The following PLPPR1 variants were observed in gnomAD, a reference collection of about 807,000 sequenced individuals.
The protein encoded by PLPPR1 is phospholipid phosphatase related 1, also known as phospholipid phosphatase-related protein type 1.
In PLPPR1, 10 loss-of-function variants were observed where a neutral mutation model predicts 33.1. That is an observed-to-expected ratio of 0.30 (90% CI 0.19 to 0.51). PLPPR1 has a LOEUF of 0.51. Ranked by LOEUF, PLPPR1 falls within the 20% of genes least tolerant of loss-of-function variation. The pLI is 0.97. For synonymous variants in PLPPR1, 151 were observed against 151.0 expected (o/e 1.00, Z 0.00); for missense variants, 304 against 408.1 (o/e 0.74, Z 2.20).
intron 1 of PLPPR1, among the ~76,000 whole-genome samples, chr9:101,147,242 G>A (rs1041839610): frequency 3.3e-5 from 5 of 152,120 alleles, no homozygotes; most frequent in Non-Finnish European, 7.3e-5. Flanking sequence ...TTTATAATTT[G>A]TAAGGAATGT....
At chr9:101,067,176 T>C (rs1830428690) in intron 1 of PLPPR1, among the ~76,000 whole-genome samples, 2 of 152,148 alleles carry the variant, frequency 1.3e-5, no homozygotes, top group African/African-American at 4.8e-5. Context: ...AGTCAACTAT[T>C]TTATAGGTTC....
chr9:101,075,263 C>A (rs968096726), intron 1 of PLPPR1, among the ~76,000 whole-genome samples: 3 of 152,132 alleles, frequency 2.0e-5, no homozygotes, highest in Admixed American at 6.6e-5. Flanking sequence ...AGCCTCACAT[C>A]AAAATAAATT....
chr9:101,318,283 A>G (rs931012421), intron 7 of PLPPR1, among the ~76,000 whole-genome samples: 26 of 142,048 alleles, frequency 1.8e-4, no homozygotes, highest in African/African-American at 8.1e-4. Flanking sequence ...ATGAAGGGGA[A>G]AAAAATCTAC....
At chr9:101,191,731 A>C (rs900754373) in intron 2 of PLPPR1, among the ~76,000 whole-genome samples, 3 of 152,170 alleles carry the variant, frequency 2.0e-5, no homozygotes, top group African/African-American at 7.2e-5. Context: ...GATTCCTCTC[A>C]AGAAAATTTT....
At chr9:101,110,375 A>G (rs1280563936) in intron 1 of PLPPR1, among the ~76,000 whole-genome samples, 1 of 152,236 alleles carries the variant, frequency 6.6e-6, no homozygotes, top group East Asian at 1.9e-4. Flanking sequence ...GTAAATAAAC[A>G]CAACTATTTA....
chr9:101,208,654 T>C (rs1826631811), intron 2 of PLPPR1, among the ~76,000 whole-genome samples: 1 of 152,204 alleles, frequency 6.6e-6, no homozygotes, highest in South Asian at 2.1e-4. Flanking sequence ...TAGAATAAAT[T>C]AATACATTTG....
rs1831714284 is a variant in PLPPR1 at position 101,157,702 on chromosome 9, G to A, written c.-45-27748G>A. On this transcript the variant is annotated intron_variant, in intron 1 of 7. Coordinates refer to ENST00000374874, the MANE Select transcript of PLPPR1 (RefSeq NM_207299.2). ...AGAGAGTGGTGTCACAGAAGTCAAG[G>A]TAAATGAAACTTATAGGGGCCGGGC... Among the ~76,000 whole-genome samples the A allele has an allele frequency of 2.0e-5, 3 of 152,222 alleles. No individual in the cohort carries two copies. The South Asian group carries it at 6.2e-4, about 32-fold the overall frequency.
intron 4 of PLPPR1, among the ~76,000 whole-genome samples, chr9:101,298,867 G>A (rs1034475097): frequency 7.2e-5 from 11 of 152,336 alleles, no homozygotes; most frequent in African/African-American, 2.6e-4. Context: ...CAGCAGATAT[G>A]TAATTTTAAA....
chr9:101,297,595 G>A (rs1361611), intron 4 of PLPPR1, among the ~76,000 whole-genome samples: 7,422 of 152,168 alleles, frequency 0.049, 556 homozygotes, highest in African/African-American at 0.16. Flanking sequence ...GTCCTCCCAG[G>A]CTTTAAGCAT....
intron 1 of PLPPR1, among the ~76,000 whole-genome samples, chr9:101,167,558 C>A (rs895093695): frequency 6.6e-6 from 1 of 152,030 alleles, no homozygotes; most frequent in Admixed American, 6.6e-5. Context: ...TGATCCTCAT[C>A]TCTTGAGTCA....
intron 1 of PLPPR1, among the ~76,000 whole-genome samples, chr9:101,047,915 T>C (rs1017490883): frequency 1.3e-5 from 2 of 152,222 alleles, no homozygotes; most frequent in Non-Finnish European, 1.5e-5. Flanking sequence ...GCTAAGGTAT[T>C]GCTAAGAACT....
intron 1 of PLPPR1, among the ~76,000 whole-genome samples, chr9:101,083,094 C>T (rs1000134054): frequency 1.3e-5 from 2 of 152,144 alleles, no homozygotes; most frequent in African/African-American, 4.8e-5. Flanking sequence ...CCTGATTCTA[C>T]AGCACAGATC....
At chr9:101,060,658 T>A (rs1035065142) in intron 1 of PLPPR1, among the ~76,000 whole-genome samples, 7 of 151,860 alleles carry the variant, frequency 4.6e-5, no homozygotes, top group Admixed American at 2.6e-4. Context: ...TAACACATTA[T>A]TTTTTAATGC....
chr9:101,058,525 G>T (rs1402478445), intron 1 of PLPPR1, among the ~76,000 whole-genome samples: 1 of 152,152 alleles, frequency 6.6e-6, no homozygotes. Context: ...TGCTAACAGA[G>T]GAGATGCAAC....
chr9:101,298,668 T>C (rs796759464), intron 4 of PLPPR1, among the ~76,000 whole-genome samples: 4 of 152,186 alleles, frequency 2.6e-5, no homozygotes, highest in African/African-American at 9.6e-5. Flanking sequence ...AATGAAATAG[T>C]CATTGAGCAC....
intron 1 of PLPPR1, among the ~76,000 whole-genome samples, chr9:101,147,258 A>G (rs1398959054): frequency 6.6e-6 from 1 of 152,044 alleles, no homozygotes; most frequent in Middle Eastern, 3.2e-3. Context: ...AATGTCTTGT[A>G]TTTGTTCACA....
intron 1 of PLPPR1, among the ~76,000 whole-genome samples, chr9:101,042,492 A>G (rs957631283): frequency 6.6e-6 from 1 of 152,146 alleles, no homozygotes; most frequent in African/African-American, 2.4e-5. Flanking sequence ...TTTCTGCTAG[A>G]TTCCCCCTCA....
At chr9:101,138,562 C>G (rs987515919) in intron 1 of PLPPR1, among the ~76,000 whole-genome samples, 1 of 152,162 alleles carries the variant, frequency 6.6e-6, no homozygotes, top group Non-Finnish European at 1.5e-5. Context: ...AATCAAGATA[C>G]AAGATTGGTC....
chr9:101,202,160 A>G (rs1181125354), intron 2 of PLPPR1, among the ~76,000 whole-genome samples: 1 of 152,208 alleles, frequency 6.6e-6, no homozygotes, highest in Non-Finnish European at 1.5e-5. Flanking sequence ...TTTGCATTGT[A>G]TAAGCAATCA....
Sources: gnomAD v4.1 joint callset for allele counts (sites outside exome capture counted in the v4.1 genomes callset) on GRCh38, gnomAD v4.1.1 for gene constraint, MANE v1.5 for transcripts, NCBI Gene and HGNC (gene_info 2026-07-23, HGNC 2026-07-21) for gene names.